The following RDM1 variants were observed in gnomAD, a reference collection of about 807,000 sequenced individuals.
The protein encoded by RDM1 is RAD52 motif-containing protein 1.
In RDM1, 28 loss-of-function variants were observed where a neutral mutation model predicts 27.7. That is an observed-to-expected ratio of 1.01 (90% CI 0.75 to 1.39). RDM1 has a LOEUF of 1.39. Among genes scored for constraint, RDM1 ranks in the 40% most tolerant of loss-of-function variants. RDM1 has a pLI of 0.00. For synonymous variants in RDM1, 124 were observed against 127.5 expected (o/e 0.97, Z 0.19); for missense variants, 277 against 337.3 (o/e 0.82, Z 1.40).
intron 4 of RDM1, 97 bp downstream of exon 4, chr17:35,924,507 T>C (rs2089062412): frequency 7.7e-7 from 1 of 1,304,826 alleles, no homozygotes; most frequent in East Asian, 2.3e-5. Flanking sequence ...AGGGGCTTGA[T>C]ATGTATCTGA....
chr17:35,930,118 C>T lies in RDM1; in HGVS notation c.234G>A (p.Lys78=), dbSNP rs145918765. 3.3e-5 allele frequency: 53 copies of T among 1,614,084 alleles called. No homozygotes were observed. The highest frequency in any genetic ancestry group is 4.4e-5 in the Non-Finnish European group (52 of 1,180,058). Residue 78 remains lysine, a synonymous_variant, in exon 2 of 7, where the codon AAG becomes AAA. Transcript: ENST00000620284. The stretch of plus-strand genomic sequence containing the variant: ...GAAAAAGCTGCTTCCGGTCGCATGC[C>T]TTTTGGGCTCTGTGGGCAGCCCTTG... The part of the protein sequence containing the change: ...YSARAAHRAQ[K]ACDRKQLFQK...
intron 6 of RDM1, among the ~76,000 whole-genome samples, chr17:35,919,324 TAC>T (rs2088857066): frequency 1.3e-5 from 2 of 152,226 alleles, no homozygotes; most frequent in South Asian, 4.1e-4. Context: ...AGCTTTCATA[TAC>T]AGTCATGCGT....
At chr17:35,927,042 C>T (rs775193867) in intron 2 of RDM1, among the ~76,000 whole-genome samples, 2 of 146,168 alleles carry the variant, frequency 1.4e-5, no homozygotes, top group Admixed American at 7.0e-5. Flanking sequence ...TTCAGAAAAA[C>T]TCTGAGCCTC....
chr17:35,924,419 A>G (rs2089058985), intron 4 of RDM1, among the ~76,000 whole-genome samples, 185 bp downstream of exon 4: 1 of 152,204 alleles, frequency 6.6e-6, no homozygotes. Context: ...TAAAGGTTCA[A>G]TCAGGTATTG....
intron 6 of RDM1, among the ~76,000 whole-genome samples, chr17:35,919,450 T>C (rs1568384297): frequency 1.3e-5 from 2 of 152,228 alleles, no homozygotes; most frequent in Non-Finnish European, 2.9e-5. Flanking sequence ...ACAGCACACC[T>C]AGGCTATATG....
At chr17:35,925,456 CT>C in intron 3 of RDM1, 58 bp downstream of exon 3, 1 of 1,590,782 alleles carries the variant, frequency 6.3e-7, no homozygotes, top group South Asian at 1.1e-5. Flanking sequence ...TGTCTAAAAT[CT>C]AGGATTTCAA....
chr17:35,927,440 A>AAAAAAACAAAACG (rs1198627507), intron 2 of RDM1, among the ~76,000 whole-genome samples: 5 of 152,086 alleles, frequency 3.3e-5, no homozygotes, highest in African/African-American at 1.2e-4. Context: ...ACTCCATCTC[A>AAAAAAACAAAACG]AAAAAACAAA....
intron 6 of RDM1, among the ~76,000 whole-genome samples, chr17:35,919,210 C>T (rs1008500412): frequency 1.3e-5 from 2 of 148,478 alleles, no homozygotes; most frequent in Non-Finnish European, 2.9e-5. Flanking sequence ...TAAGTTCCTA[C>T]TGAAAAAAAA....
At chr17:35,930,590 G>T in intron 1 of RDM1, 42 bp downstream of exon 1, 1 of 1,574,474 alleles carries the variant, frequency 6.4e-7, no homozygotes. Flanking sequence ...CAGCGGGTGG[G>T]CAGCTTTCTC....
At chr17:35,930,401 C>T (rs1192765115) in intron 1 of RDM1, 146 bp from the exon 2 acceptor site, 3 of 1,164,010 alleles carry the variant, frequency 2.6e-6, no homozygotes, top group Non-Finnish European at 3.6e-6. Context: ...TCTTAAAATC[C>T]TAAACTTTAA....
At chr17:35,926,570 A>G (rs1449559682) in intron 2 of RDM1, among the ~76,000 whole-genome samples, 1 of 151,910 alleles carries the variant, frequency 6.6e-6, no homozygotes, top group Non-Finnish European at 1.5e-5. Context: ...CGCCCGGCTA[A>G]TTTTTTGTAT....
chr17:35,929,902 G>A (rs2526327), intron 2 of RDM1, among the ~76,000 whole-genome samples, 174 bp downstream of exon 2: 36,243 of 152,070 alleles, frequency 0.24, 5,459 homozygotes, highest in African/African-American at 0.42. Flanking sequence ...TAAACAAGTC[G>A]CTCAACCACC....
At chr17:35,918,628 G>C (rs989076238) in intron 6 of RDM1, among the ~76,000 whole-genome samples, 185 bp from the exon 7 acceptor site, 18 of 152,168 alleles carry the variant, frequency 1.2e-4, no homozygotes, top group Non-Finnish European at 2.2e-4. Context: ...GAGGGGTTTT[G>C]GGAGGTGGGC....
Position 35,930,657 on chromosome 17 carries a change from GAGCTC to G in RDM1, c.66_70del (p.Ser23ArgfsTer42), listed in dbSNP as rs779130250. The G allele has an allele frequency of 6.2e-7, 1 of 1,613,708 alleles. No individual in the cohort carries two copies. The highest frequency in any genetic ancestry group is 8.5e-7 in the Non-Finnish European group (1 of 1,179,992). On this transcript the variant is annotated frameshift_variant, in exon 1 of 7. Coordinates refer to ENST00000620284, the MANE Select transcript of RDM1 (RefSeq NM_145654.4). LOFTEE classifies it high-confidence loss of function. ...ATGCAAAGCCTCGGCCGTGGGTCCG[GAGCTC>G]AGCTCCCACACTAGCAAGGTTTTGT...
chr17:35,926,470 C>T (rs955900139), intron 2 of RDM1, among the ~76,000 whole-genome samples: 5 of 151,954 alleles, frequency 3.3e-5, no homozygotes, highest in Non-Finnish European at 5.9e-5. Flanking sequence ...GTGGCGCGAT[C>T]TTGGCTCACT....
intron 5 of RDM1, 148 bp from the exon 6 acceptor site, chr17:35,920,420 A>T: frequency 2.4e-6 from 1 of 413,052 alleles, no homozygotes; most frequent in South Asian, 4.5e-5. Flanking sequence ...TTATCTCCTC[A>T]TCTCACACTT....
At chr17:35,926,097 C>A (rs1260405949) in intron 2 of RDM1, among the ~76,000 whole-genome samples, 2 of 150,310 alleles carry the variant, frequency 1.3e-5, no homozygotes, top group Admixed American at 6.6e-5. Context: ...TGGTGCCATG[C>A]ACTCCACCCT....
At chr17:35,929,521 A>G (rs910298101) in intron 2 of RDM1, among the ~76,000 whole-genome samples, 3 of 152,174 alleles carry the variant, frequency 2.0e-5, no homozygotes, top group Non-Finnish European at 4.4e-5. Context: ...GGGTCACTGC[A>G]GCCTCCACCT....
chr17:35,920,602 G>A (rs572305678), intron 5 of RDM1, among the ~76,000 whole-genome samples: 1 of 151,994 alleles, frequency 6.6e-6, no homozygotes, highest in Admixed American at 6.5e-5. Flanking sequence ...AAGGACTACA[G>A]GTACACACCA....
Sources: gnomAD v4.1 joint callset for allele counts (sites outside exome capture counted in the v4.1 genomes callset) on GRCh38, gnomAD v4.1.1 for gene constraint, MANE v1.5 for transcripts, NCBI Gene and HGNC (gene_info 2026-07-23, HGNC 2026-07-21) for gene names.